Variants in TCF7L2 observed in about 807,000 individuals in gnomAD.
TCF7L2 encodes the protein transcription factor 7-like 2.
In TCF7L2, 23 loss-of-function variants were observed where a neutral mutation model predicts 77.9. The ratio of observed to expected loss-of-function variants is 0.30; its 90% CI spans 0.21 to 0.42. TCF7L2 has a LOEUF of 0.42. Ranked by LOEUF, TCF7L2 falls within the 10% of genes least tolerant of loss-of-function variation. The pLI, the probability that TCF7L2 is intolerant of heterozygous loss-of-function variation, is 1.00. For missense variants in TCF7L2, 654 were observed against 793.1 expected, an observed-to-expected ratio of 0.82 and a Z score of 2.11; for synonymous variants, 413 against 340.2, an observed-to-expected ratio of 1.21 and a Z score of -2.36.
chr10:113,149,655 T>C (rs1421240616), intron 8 of TCF7L2, among the ~76,000 whole-genome samples: 3 of 151,156 alleles, frequency 2.0e-5, no homozygotes, highest in African/African-American at 4.8e-5. Context: ...TTTGGAAGAA[T>C]TGTCGTGATC....
At chr10:113,017,505 T>C (rs1455485231) in intron 4 of TCF7L2, among the ~76,000 whole-genome samples, 1 of 152,222 alleles carries the variant, frequency 6.6e-6, no homozygotes, top group Non-Finnish European at 1.5e-5. Flanking sequence ...ATACAAATTC[T>C]TGGGGGAACC....
chr10:112,951,024 C>CGGGGCTG (rs2030833995), intron 1 of TCF7L2, 79 bp downstream of exon 1: 3 of 1,504,760 alleles, frequency 2.0e-6, no homozygotes. Context: ...GGGGAGAAAT[C>CGGGGCTG]GGGGCTGGGG....
chr10:113,101,099 C>T (rs1463901835), intron 5 of TCF7L2, among the ~76,000 whole-genome samples: 1 of 152,098 alleles, frequency 6.6e-6, no homozygotes, highest in Non-Finnish European at 1.5e-5. Flanking sequence ...ATCCATCCTT[C>T]TTCAATGTGT....
intron 4 of TCF7L2, among the ~76,000 whole-genome samples, chr10:112,984,451 G>A (rs932999587): frequency 6.6e-6 from 1 of 152,076 alleles, no homozygotes; most frequent in Non-Finnish European, 1.5e-5. Flanking sequence ...CAAGAGCAGT[G>A]CCTTACCTCT....
chr10:113,006,495 C>T (rs189970992), intron 4 of TCF7L2, among the ~76,000 whole-genome samples: 4 of 152,192 alleles, frequency 2.6e-5, no homozygotes, highest in Non-Finnish European at 4.4e-5. Flanking sequence ...CAGCAAAGTG[C>T]GCAGACCTAG....
At chr10:113,147,468 A>G (rs2069712871) in intron 8 of TCF7L2, among the ~76,000 whole-genome samples, 1 of 152,224 alleles carries the variant, frequency 6.6e-6, no homozygotes, top group Admixed American at 6.5e-5. Flanking sequence ...TACCTGCGAT[A>G]TATCATCAAA....
At position 113,109,613 on chromosome 10, in the gene TCF7L2, A is replaced by G. The variant is rs185535462; in HGVS notation, c.553-31571A>G. Reference sequence around the variant, plus strand: ...TCCACGTTGGCTAGGCTGGTCTCGAACTCCTGACCGCAGGTCAACCACCTG... The same window carrying G: ...TCCACGTTGGCTAGGCTGGTCTCGAGCTCCTGACCGCAGGTCAACCACCTG... On this transcript the variant is annotated intron_variant, in intron 5 of 13. Coordinates refer to ENST00000627217, the MANE Select transcript of TCF7L2 (RefSeq NM_001146274.2). Among the ~76,000 whole-genome samples the G allele has an allele frequency of 2.4e-3, 360 of 152,118 alleles. 5 individuals are homozygous for G. The highest frequency in any genetic ancestry group is 6.7e-3 in the Admixed American group (102 of 15,274).
At chr10:113,011,732 C>T (rs1310218947) in intron 4 of TCF7L2, among the ~76,000 whole-genome samples, 1 of 152,038 alleles carries the variant, frequency 6.6e-6, no homozygotes, top group African/African-American at 2.4e-5. Context: ...AGTATTACCA[C>T]CTTGAGTATT....
At chr10:112,977,055 A>G (rs1386375471) in intron 4 of TCF7L2, among the ~76,000 whole-genome samples, 1 of 150,420 alleles carries the variant, frequency 6.6e-6, no homozygotes, top group Non-Finnish European at 1.5e-5. Context: ...ATTGTCATTC[A>G]TTCCTGCAGG....
chr10:113,074,361 C>G (rs1193617097), intron 5 of TCF7L2, among the ~76,000 whole-genome samples: 4 of 152,114 alleles, frequency 2.6e-5, no homozygotes, highest in Non-Finnish European at 5.9e-5. Flanking sequence ...AGTGACTGGG[C>G]TATTATGATT....
chr10:113,139,155 AT>A (rs1326133553), intron 5 of TCF7L2, among the ~76,000 whole-genome samples: 2 of 151,984 alleles, frequency 1.3e-5, no homozygotes, highest in African/African-American at 2.4e-5. Flanking sequence ...GCTTTCTTTC[AT>A]GTCAGCGGGT....
At chr10:113,018,444 CTTTTTTTTTTT>C (rs35916053) in intron 4 of TCF7L2, among the ~76,000 whole-genome samples, 15 of 92,546 alleles carry the variant, frequency 1.6e-4, no homozygotes, top group Non-Finnish European at 2.5e-4. Context: ...CTCCTGAGTC[CTTTTTTTTTTT>C]TTTTTTTTTT....
At chr10:113,096,242 A>G (rs2060959418) in intron 5 of TCF7L2, among the ~76,000 whole-genome samples, 1 of 152,188 alleles carries the variant, frequency 6.6e-6, no homozygotes, top group South Asian at 2.1e-4. Context: ...TTTCTCAGAT[A>G]GCAATCCCTT....
chr10:113,109,271 G>A (rs140436277), intron 5 of TCF7L2, among the ~76,000 whole-genome samples: 11 of 152,266 alleles, frequency 7.2e-5, no homozygotes, highest in South Asian at 4.1e-4. Context: ...TGCCACTTAC[G>A]GTGTTATCTT....
chr10:113,140,319 C>T (rs1480999772), intron 5 of TCF7L2, among the ~76,000 whole-genome samples: 2 of 152,010 alleles, frequency 1.3e-5, no homozygotes, highest in South Asian at 4.2e-4. Context: ...CAACTAGAAA[C>T]ATTTTTAAAA....
intron 5 of TCF7L2, among the ~76,000 whole-genome samples, chr10:113,087,947 A>T (rs1485051480): frequency 6.6e-6 from 1 of 151,964 alleles, no homozygotes; most frequent in Non-Finnish European, 1.5e-5. Context: ...TATTTTTGTC[A>T]ATTTCCTATT....
chr10:113,037,332 G>T (rs1181176807), intron 4 of TCF7L2, among the ~76,000 whole-genome samples: 1 of 152,106 alleles, frequency 6.6e-6, no homozygotes, highest in African/African-American at 2.4e-5. Context: ...GAGAGTTTGG[G>T]GCTGTCACTG....
At position 113,157,609 on chromosome 10, in the gene TCF7L2, C is replaced by T. The variant is rs149314762; in HGVS notation, c.1270-412C>T. The stretch of plus-strand genomic sequence containing the variant: ...GGCAGGGCAGCCCTTGAAGCTGGTG[C>T]GGCCATGACCACCTTCATGTGCTCC... On this transcript the variant is annotated intron_variant, in intron 11 of 13. Transcript: ENST00000627217. Among the ~76,000 whole-genome samples the T allele has an allele frequency of 1.1e-4, 16 of 152,296 alleles. No homozygotes were observed. The East Asian group carries it at 2.9e-3, about 28-fold the overall frequency.
intron 4 of TCF7L2, among the ~76,000 whole-genome samples, chr10:113,034,051 T>C (rs2050706857): frequency 1.3e-5 from 2 of 152,216 alleles, no homozygotes; most frequent in South Asian, 4.1e-4. Flanking sequence ...CAAAATTATT[T>C]GTTTATAGAA....
Sources: allele counts gnomAD v4.1 joint callset (sites outside exome capture counted in the v4.1 genomes callset), GRCh38; gene constraint gnomAD v4.1.1; transcripts MANE v1.5; gene names NCBI Gene and HGNC (gene_info 2026-07-23, HGNC 2026-07-21).